PTPN22: variants seen among roughly 807,000 people sequenced by gnomAD.
The protein encoded by PTPN22 is tyrosine-protein phosphatase non-receptor type 22.
In PTPN22, 85 loss-of-function variants were observed where a neutral mutation model predicts 103.3. The observed-to-expected ratio is 0.82, with a 90% CI of 0.69 to 0.99. The LOEUF is 0.99. Ranked by LOEUF, PTPN22 falls within the 50% of genes least tolerant of loss-of-function variation. PTPN22 has a pLI of 0.00. For synonymous variants in PTPN22, 323 were observed against 310.2 expected (o/e 1.04, Z -0.43); for missense variants, 865 against 936.9 (o/e 0.92, Z 1.00).
chr1:113,834,998 C>A lies in PTPN22; in HGVS notation c.1811-5G>T. On this transcript the variant is annotated splice_region_variant and splice_polypyrimidine_tract_variant and intron_variant, in intron 13 of 20. Coordinates refer to ENST00000359785, the Ensembl canonical transcript of PTPN22. ...CATCTATCCTTGGAGCAGTTGCTAT[C>A]CAAAATGTCAAAAATATTGTAACAA... is the stretch of plus-strand genomic sequence containing the variant. The A allele has an allele frequency of 6.6e-7, 1 of 1,515,188 alleles. No homozygotes were observed. The highest frequency in any genetic ancestry group is 8.9e-7 in the Non-Finnish European group (1 of 1,129,724). The allele number at this position is 1,515,188 out of a possible 1,614,324, so 93.9% of individuals were successfully genotyped here.
At chr1:113,820,922 A>T (rs188139361) in intron 19 of PTPN22, among the ~76,000 whole-genome samples, 168 of 151,952 alleles carry the variant, frequency 1.1e-3, no homozygotes, top group African/African-American at 3.8e-3. Context: ...TTTCAATCAG[A>T]TCTAATTAAG....
intron 6 of PTPN22, 53 bp from the exon 7 acceptor site, chr1:113,856,494 A>G (rs111659580): frequency 1.9e-6 from 3 of 1,614,048 alleles, no homozygotes; most frequent in East Asian, 2.2e-5. Flanking sequence ...CAAGCTCTCT[A>G]TAAGGTAGAC....
At chr1:113,817,080 T>C (rs1661216543) in intron 20 of PTPN22, among the ~76,000 whole-genome samples, 1 of 152,222 alleles carries the variant, frequency 6.6e-6, no homozygotes, top group Non-Finnish European at 1.5e-5. Flanking sequence ...ATGTACATTT[T>C]ACTCTTCCGA....
chr1:113,857,888 G>A (rs149906367), intron 4 of PTPN22, 112 bp from the exon 5 acceptor site: 110 of 978,428 alleles, frequency 1.1e-4, no homozygotes, highest in Admixed American at 1.4e-4. Flanking sequence ...CTGTTTTGTC[G>A]TTTTTTTTTA....
Position 113,829,946 on chromosome 1 carries a change from T to TA in PTPN22, c.2134+2dup. ...TTTTTTGAGAGAAAGTGCTACCACT[T>TA]ACAATCTTCATCGGCAAGAAAGAAG... On this transcript the variant is annotated splice_region_variant and intron_variant, in intron 17 of 20. Transcript: ENST00000359785. The TA allele has an allele frequency of 6.3e-7, 1 of 1,589,068 alleles. No individual in the cohort carries two copies. Among genetic ancestry groups the TA allele is most frequent in the Non-Finnish European group, 8.6e-7 (1 of 1,157,660 alleles).
chr1:113,858,429 GT>G (rs1389798069), intron 4 of PTPN22, 48 bp downstream of exon 4: 1 of 1,381,714 alleles, frequency 7.2e-7, no homozygotes, highest in Non-Finnish European at 9.9e-7. Flanking sequence ...TAAAAGCACT[GT>G]TTTTAATAAA....
At chr1:113,840,203 C>G (rs1663423539) in intron 11 of PTPN22, among the ~76,000 whole-genome samples, 1 of 148,050 alleles carries the variant, frequency 6.8e-6, no homozygotes, top group Non-Finnish European at 1.5e-5. Context: ...AGAATAAGAC[C>G]CTAACTTAAT....
At chr1:113,837,324 C>T (rs1663097966) in intron 13 of PTPN22, among the ~76,000 whole-genome samples, 1 of 151,860 alleles carries the variant, frequency 6.6e-6, no homozygotes, top group Non-Finnish European at 1.5e-5. Context: ...GTGGCGCGCG[C>T]CTGTAATCCC....
chr1:113,869,071 C>T (rs1181881192), intron 1 of PTPN22, among the ~76,000 whole-genome samples: 1 of 151,996 alleles, frequency 6.6e-6, no homozygotes, highest in African/African-American at 2.4e-5. Flanking sequence ...ACAAAATTAG[C>T]CAGGCGTGGT....
Position 113,836,751 on chromosome 1 carries a change from G to A in PTPN22, c.1810+839C>T, listed in dbSNP as rs868843836. Among the ~76,000 whole-genome samples the A allele has an allele frequency of 2.6e-5, 4 of 151,080 alleles. No individual in the cohort carries two copies. In the South Asian group the frequency reaches 8.4e-4, roughly 32 times the overall value. ...AAGACCAGGCTGGGCAACATAGCAA[G>A]ACCCCATTTCTAAAAAAAAAAAAAA... On this transcript the variant is annotated intron_variant, in intron 13 of 20. Coordinates refer to ENST00000359785, the Ensembl canonical transcript of PTPN22.
chr1:113,855,261 G>A (rs1462872754), intron 7 of PTPN22, among the ~76,000 whole-genome samples: 2 of 152,124 alleles, frequency 1.3e-5, no homozygotes, highest in African/African-American at 2.4e-5. Context: ...TTGGGAGGCC[G>A]AAGCAGGCAG....
intron 15 of PTPN22, 49 bp downstream of exon 15, chr1:113,834,260 C>A: frequency 6.4e-7 from 1 of 1,566,842 alleles, no homozygotes; most frequent in East Asian, 2.2e-5. Context: ...AGGAGTAGAA[C>A]TGTAGTCTAT....
chr1:113,841,647 G>A (rs1336392266), intron 11 of PTPN22, among the ~76,000 whole-genome samples: 7 of 148,556 alleles, frequency 4.7e-5, no homozygotes, highest in Non-Finnish European at 7.4e-5. Flanking sequence ...CTGTCACCCA[G>A]GCTAGAGTGC....
rs1429551578 is a variant in PTPN22 at position 113,834,294 on chromosome 1, TA to T, written c.2025+14del. 3.1e-6 allele frequency: 5 copies of T among 1,611,936 alleles called. No individual in the cohort carries two copies. In the Admixed American group the frequency reaches 5.0e-5, roughly 16 times the overall value. On this transcript the variant is annotated intron_variant, in intron 15 of 20. Transcript: ENST00000359785. ...ATTGAATCTAAATGAGTAGAGTCAT[TA>T]AAAAATTATTGACCTTGCTTGGTCT...
chr1:113,831,562 A>G (rs544452556), intron 16 of PTPN22, among the ~76,000 whole-genome samples: 3 of 152,146 alleles, frequency 2.0e-5, no homozygotes, highest in South Asian at 2.1e-4. Flanking sequence ...TAGAATATCT[A>G]TTGCAAAAAA....
intron 1 of PTPN22, among the ~76,000 whole-genome samples, chr1:113,863,868 C>G (rs906982274): frequency 4.7e-5 from 7 of 149,400 alleles, no homozygotes; most frequent in Admixed American, 1.3e-4. Context: ...TAGGTATCTT[C>G]TTTCTGTTAG....
intron 1 of PTPN22, 134 bp from the exon 2 acceptor site, chr1:113,859,594 T>G (rs1381716627): frequency 8.5e-6 from 6 of 703,994 alleles, no homozygotes; most frequent in Non-Finnish European, 1.4e-5. Context: ...CTGACTCCGT[T>G]CAGGACAGAG....
At chr1:113,854,636 A>G (rs1664889113) in intron 8 of PTPN22, 99 bp from the exon 9 acceptor site, 1 of 1,244,276 alleles carries the variant, frequency 8.0e-7, no homozygotes, top group Admixed American at 1.9e-5. Context: ...TTGAGGAAGA[A>G]GATACCTGGG....
At chr1:113,819,607 A>G (rs1661427382) in exon 20 of PTPN22, 1 of 1,608,896 alleles carries the variant, frequency 6.2e-7, no homozygotes, top group Admixed American at 1.7e-5. Flanking sequence ...GAGTTATTTG[A>G]CTGAACAGAT....
Sources: gnomAD v4.1 joint callset for allele counts (sites outside exome capture counted in the v4.1 genomes callset) on GRCh38, gnomAD v4.1.1 for gene constraint, MANE v1.5 for transcripts, NCBI Gene and HGNC (gene_info 2026-07-23, HGNC 2026-07-21) for gene names.